Variants in THSD7B observed in about 807,000 individuals in gnomAD.
THSD7B encodes the protein thrombospondin type 1 domain containing 7B.
THSD7B carries 138 observed loss-of-function variants against 213.6 expected under a neutral mutation model. That is an observed-to-expected ratio of 0.65 (90% CI 0.56 to 0.74). The LOEUF (loss-of-function observed/expected upper bound fraction) is 0.74. THSD7B is among the 30% of genes least tolerant of loss of function. The probability of loss-of-function intolerance (pLI) is 0.00; values close to 1 mark genes in which losing one functional copy is unlikely to be tolerated. For missense variants in THSD7B, 1,931 were observed against 1,991.5 expected (o/e 0.97, Z 0.58); for synonymous variants, 742 against 687.0 (o/e 1.08, Z -1.25).
At chr2:137,315,031 C>T (rs1339964630) in intron 12 of THSD7B, among the ~76,000 whole-genome samples, 1 of 152,196 alleles carries the variant, frequency 6.6e-6, no homozygotes, top group East Asian at 1.9e-4. Flanking sequence ...GTGTTGGGCT[C>T]CACCCAGTTC....
At chr2:136,911,538 G>A (rs1684257649) in intron 2 of THSD7B, among the ~76,000 whole-genome samples, 2 of 152,182 alleles carry the variant, frequency 1.3e-5, no homozygotes, top group Non-Finnish European at 2.9e-5. Flanking sequence ...AGGAAGGAAA[G>A]ATACCTTAGA....
At chr2:137,015,761 G>T (rs1289721526) in intron 2 of THSD7B, among the ~76,000 whole-genome samples, 5 of 151,928 alleles carry the variant, frequency 3.3e-5, no homozygotes, top group African/African-American at 1.2e-4. Flanking sequence ...CCTCCTTATC[G>T]CCTGCTTTTC....
chr2:137,344,054 C>T (rs1051700776), intron 12 of THSD7B, among the ~76,000 whole-genome samples: 1 of 151,652 alleles, frequency 6.6e-6, no homozygotes, highest in African/African-American at 2.4e-5. Flanking sequence ...GGCCACTGAC[C>T]AGTATTGGCC....
At chr2:137,612,369 A>T (rs186762973) in intron 17 of THSD7B, among the ~76,000 whole-genome samples, 1 of 152,216 alleles carries the variant, frequency 6.6e-6, no homozygotes. Context: ...TTGACTTCCA[A>T]TGTAATTCTG....
chr2:137,510,383 T>C (rs1679934398), intron 15 of THSD7B, among the ~76,000 whole-genome samples: 1 of 152,074 alleles, frequency 6.6e-6, no homozygotes, highest in Non-Finnish European at 1.5e-5. Flanking sequence ...TACGGGTCCA[T>C]TTTCCCCCAT....
At chr2:136,827,769 A>G (rs1435585312) in intron 1 of THSD7B, among the ~76,000 whole-genome samples, 1 of 142,900 alleles carries the variant, frequency 7.0e-6, no homozygotes, top group Non-Finnish European at 1.6e-5. Context: ...TTACACTGAA[A>G]TGAGAGAGAG....
chr2:137,656,604 A>G (rs1683240755), intron 22 of THSD7B, among the ~76,000 whole-genome samples, 192 bp from the exon 23 acceptor site: 1 of 152,222 alleles, frequency 6.6e-6, no homozygotes, highest in South Asian at 2.1e-4. Flanking sequence ...CTTTCTTGTT[A>G]AACAAGATTA....
At chr2:136,796,107 ATT>A in intron 1 of THSD7B, among the ~76,000 whole-genome samples, 1 of 145,052 alleles carries the variant, frequency 6.9e-6, no homozygotes, top group African/African-American at 2.5e-5. Flanking sequence ...CTGCTTTTTG[ATT>A]TTTTTTTTTT....
At chr2:137,343,202 G>A (rs77866688) in intron 12 of THSD7B, among the ~76,000 whole-genome samples, 1,519 of 150,938 alleles carry the variant, frequency 0.01, 28 homozygotes, top group African/African-American at 0.035. Context: ...TTTTTTGCAA[G>A]GAATGGTATT....
At chr2:137,668,354 T>G (rs1406516660) in intron 27 of THSD7B, among the ~76,000 whole-genome samples, 1 of 151,776 alleles carries the variant, frequency 6.6e-6, no homozygotes, top group African/African-American at 2.4e-5. Flanking sequence ...ACCAGTTGGT[T>G]GAAAGAACCT....
At chr2:137,505,277 A>G (rs561941812) in intron 15 of THSD7B, among the ~76,000 whole-genome samples, 78 of 152,308 alleles carry the variant, frequency 5.1e-4, no homozygotes, top group Admixed American at 9.1e-4. Context: ...ATATGCATAG[A>G]AATCACTCAG....
intron 1 of THSD7B, among the ~76,000 whole-genome samples, chr2:136,828,430 T>C (rs528496911): frequency 2.8e-4 from 43 of 152,210 alleles, no homozygotes; most frequent in Non-Finnish European, 5.7e-4. Flanking sequence ...CATCATTTCT[T>C]ACCTGGTCTG....
At chr2:136,997,145 A>G (rs1254608978) in intron 2 of THSD7B, among the ~76,000 whole-genome samples, 2 of 152,170 alleles carry the variant, frequency 1.3e-5, no homozygotes, top group Non-Finnish European at 2.9e-5. Context: ...AATAAAATAC[A>G]TTGTGCTGAC....
At chr2:136,811,120 T>C (rs1682367970) in intron 1 of THSD7B, among the ~76,000 whole-genome samples, 1 of 152,204 alleles carries the variant, frequency 6.6e-6, no homozygotes, top group Non-Finnish European at 1.5e-5. Flanking sequence ...ATCCAGGCTC[T>C]ACACAGGAAT....
intron 7 of THSD7B, among the ~76,000 whole-genome samples, chr2:137,187,743 G>C (rs1178058859): frequency 2.0e-5 from 3 of 152,132 alleles, no homozygotes. Context: ...TTGGTGGTTA[G>C]ATAATATCTT....
chr2:137,036,788 A>G (rs1686782739), intron 2 of THSD7B, among the ~76,000 whole-genome samples: 1 of 152,306 alleles, frequency 6.6e-6, no homozygotes, highest in East Asian at 1.9e-4. Context: ...TGGAAGTACA[A>G]TTACTCATTT....
At chr2:137,524,039 A>G (rs549878063) in intron 15 of THSD7B, among the ~76,000 whole-genome samples, 88 of 152,244 alleles carry the variant, frequency 5.8e-4, no homozygotes, top group African/African-American at 2.0e-3. Context: ...CTCTTTTTAT[A>G]GTCTACTAAG....
chr2:136,862,245 C>G (rs776421215), intron 1 of THSD7B, among the ~76,000 whole-genome samples: 2 of 152,106 alleles, frequency 1.3e-5, no homozygotes, highest in African/African-American at 2.4e-5. Context: ...CTGTGGCCTC[C>G]CATGACCCCA....
chr2:137,060,136 A>T (rs560411745), intron 3 of THSD7B, among the ~76,000 whole-genome samples: 76 of 152,126 alleles, frequency 5.0e-4, no homozygotes, highest in Admixed American at 9.2e-4. Context: ...ACATCTTTTC[A>T]TACACTTGCT....
Sources: gnomAD v4.1 joint callset for allele counts (sites outside exome capture counted in the v4.1 genomes callset) on GRCh38, gnomAD v4.1.1 for gene constraint, MANE v1.5 for transcripts, NCBI Gene and HGNC (gene_info 2026-07-23, HGNC 2026-07-21) for gene names.